MOB3B: variants seen among roughly 807,000 people sequenced by gnomAD.
MOB3B encodes the protein MOB kinase activator 3B.
A neutral mutation model predicts 18.7 loss-of-function variants in MOB3B; 7 were observed. The ratio of observed to expected loss-of-function variants is 0.37; its 90% confidence interval spans 0.21 to 0.70. The LOEUF is 0.70. MOB3B is among the 30% of genes least tolerant of loss of function. The pLI is 0.52. For missense variants in MOB3B, 253 were observed against 281.3 expected (o/e 0.90, Z 0.72); for synonymous variants, 111 against 99.9 (o/e 1.11, Z -0.66).
At chr9:27,481,777 G>A (rs1453740347) in intron 1 of MOB3B, among the ~76,000 whole-genome samples, 1 of 151,866 alleles carries the variant, frequency 6.6e-6, no homozygotes. Context: ...TGCCCGCCTC[G>A]GCCTCCCAAA....
At chr9:27,356,485 G>A (rs1400296354) in intron 3 of MOB3B, among the ~76,000 whole-genome samples, 1 of 152,160 alleles carries the variant, frequency 6.6e-6, no homozygotes, top group Non-Finnish European at 1.5e-5. Flanking sequence ...GAAAATAACT[G>A]AGTTTTCTGA....
chr9:27,333,246 A>T lies in MOB3B; in HGVS notation c.622-2630T>A, dbSNP rs184760622. ...AGGGAATGTATGGTTGAAATAGCAG[A>T]TCAGAAACATCAGGAAAGACATTTG... On this transcript the variant is annotated intron_variant, in intron 3 of 3. Coordinates refer to ENST00000262244, the MANE Select transcript of MOB3B (RefSeq NM_024761.5). Among the ~76,000 whole-genome samples, 295 of 152,306 alleles carry T rather than the reference A, an allele frequency of 1.9e-3. 1 individual carries two copies. The highest frequency in any genetic ancestry group is 6.8e-3 in the Middle Eastern group (2 of 294).
chr9:27,392,992 G>A (rs1457960260), intron 2 of MOB3B, among the ~76,000 whole-genome samples: 1 of 152,150 alleles, frequency 6.6e-6, no homozygotes, highest in Non-Finnish European at 1.5e-5. Context: ...TGTTGCTTGA[G>A]ATAAAAAGGA....
At chr9:27,347,329 G>A (rs1208606615) in intron 3 of MOB3B, among the ~76,000 whole-genome samples, 1 of 152,222 alleles carries the variant, frequency 6.6e-6, no homozygotes, top group Non-Finnish European at 1.5e-5. Context: ...ATTTTTACCA[G>A]TGGGAAAAGT....
intron 1 of MOB3B, among the ~76,000 whole-genome samples, chr9:27,492,254 A>G (rs1819830500): frequency 6.6e-6 from 1 of 152,228 alleles, no homozygotes; most frequent in African/African-American, 2.4e-5. Context: ...TTTTTTCTTC[A>G]TATATCTGCA....
At chr9:27,361,979 C>G (rs972142368) in intron 2 of MOB3B, among the ~76,000 whole-genome samples, 1 of 152,198 alleles carries the variant, frequency 6.6e-6, no homozygotes, top group Admixed American at 6.5e-5. Flanking sequence ...TAGCCAGCCC[C>G]CCTACCCTCC....
intron 1 of MOB3B, among the ~76,000 whole-genome samples, chr9:27,494,762 C>A (rs1230728758): frequency 2.6e-5 from 4 of 152,108 alleles, no homozygotes; most frequent in African/African-American, 4.8e-5. Context: ...ATCTACCCAC[C>A]TTGGCCTCCC....
At chr9:27,358,986 C>T (rs756636442) in intron 3 of MOB3B, 48 bp downstream of exon 3, 16 of 1,580,142 alleles carry the variant, frequency 1.0e-5, no homozygotes, top group Middle Eastern at 1.7e-4. Context: ...GACAAATGGC[C>T]GAGCTCCTGG....
chr9:27,419,060 CA>C (rs567613310), intron 2 of MOB3B, among the ~76,000 whole-genome samples: 117 of 123,816 alleles, frequency 9.4e-4, no homozygotes, highest in Non-Finnish European at 9.9e-4. Context: ...ACGATAGCTG[CA>C]AAAAAAAAAA....
At chr9:27,453,403 G>A (rs1039418826) in intron 2 of MOB3B, among the ~76,000 whole-genome samples, 2 of 152,198 alleles carry the variant, frequency 1.3e-5, no homozygotes, top group African/African-American at 4.8e-5. Context: ...GACCAGGTAA[G>A]CACGTTCCCT....
chr9:27,504,158 T>C (rs1820026179), intron 1 of MOB3B, among the ~76,000 whole-genome samples: 1 of 152,192 alleles, frequency 6.6e-6, no homozygotes, highest in African/African-American at 2.4e-5. Flanking sequence ...TTTACTGACA[T>C]CCCTAATGCT....
chr9:27,385,348 G>A (rs924827017), intron 2 of MOB3B, among the ~76,000 whole-genome samples: 3 of 152,162 alleles, frequency 2.0e-5, no homozygotes, highest in African/African-American at 7.2e-5. Context: ...CCTGTACGAG[G>A]TAACCATGAG....
At chr9:27,413,558 C>T (rs1822104673) in intron 2 of MOB3B, among the ~76,000 whole-genome samples, 3 of 152,172 alleles carry the variant, frequency 2.0e-5, no homozygotes, top group South Asian at 2.1e-4. Context: ...TTAAAACTTA[C>T]TCTCGGCTAT....
chr9:27,455,771 A>C (rs1822859463), intron 1 of MOB3B, 23 bp from the exon 2 acceptor site: 2 of 1,418,326 alleles, frequency 1.4e-6, no homozygotes, highest in South Asian at 3.1e-5. Flanking sequence ...GAGAAAAGGG[A>C]ACACATGAGT....
In MOB3B at chr9:27,493,831, C is replaced by G. The variant is rs1055027471; in HGVS notation, c.-199+35724G>C. On this transcript the variant is annotated intron_variant, in intron 1 of 3. Transcript: ENST00000262244. Reference sequence around the variant, plus strand: ...GTGTTTGAGCAATACGAAATCTGGGCACCTTGAAAAAAGAACAGGATAACA... The same window carrying G: ...GTGTTTGAGCAATACGAAATCTGGGGACCTTGAAAAAAGAACAGGATAACA... Among the ~76,000 whole-genome samples the G allele has an allele frequency of 3.9e-4, 60 of 152,146 alleles. 1 individual carries two copies. The highest frequency in any genetic ancestry group is 1.4e-3 in the African/African-American group (60 of 41,496).
chr9:27,479,634 C>T (rs1388628107), intron 1 of MOB3B, among the ~76,000 whole-genome samples: 1 of 151,850 alleles, frequency 6.6e-6, no homozygotes, highest in African/African-American at 2.4e-5. Context: ...CACCCCTACT[C>T]AAAAAAAATT....
chr9:27,508,444 A>G (rs1380275643), intron 1 of MOB3B, among the ~76,000 whole-genome samples: 1 of 151,842 alleles, frequency 6.6e-6, no homozygotes, highest in African/African-American at 2.4e-5. Flanking sequence ...CAGGATTTGG[A>G]GAAGAGTGAA....
At chr9:27,360,708 C>T (rs567275028) in intron 2 of MOB3B, among the ~76,000 whole-genome samples, 69 of 152,338 alleles carry the variant, frequency 4.5e-4, no homozygotes, top group Non-Finnish European at 1.0e-4. Context: ...ATGGGATCAC[C>T]TGGGACCCCA....
rs950621504 is a variant in MOB3B, at chr9:27,443,357, A to T, written c.418+11776T>A. On this transcript the variant is annotated intron_variant, in intron 2 of 3. Transcript: ENST00000262244. ...CTCTGGGACTGTAGTCCAGATCTCT[A>T]TTACATTATTCATCCTGTACTCTAT... Among the ~76,000 whole-genome samples the T allele has an allele frequency of 3.9e-5, 6 of 152,166 alleles. No homozygotes were observed. In the East Asian group the frequency reaches 1.2e-3, roughly 29 times the overall value.
Sources: gnomAD v4.1 joint callset for allele counts (sites outside exome capture counted in the v4.1 genomes callset) on GRCh38, gnomAD v4.1.1 for gene constraint, MANE v1.5 for transcripts, NCBI Gene and HGNC (gene_info 2026-07-23, HGNC 2026-07-21) for gene names.